Variants in DNAH17 observed in about 807,000 individuals in gnomAD.
The protein encoded by DNAH17 is axonemal beta dynein heavy chain 17.
A neutral mutation model predicts 485.6 loss-of-function variants in DNAH17; 376 were observed. The ratio of observed to expected loss-of-function variants is 0.77; its 90% CI spans 0.71 to 0.84. The LOEUF is 0.84. Among genes scored for constraint, DNAH17 ranks in the 40% least tolerant of loss-of-function variants. DNAH17 has a pLI of 0.00. For missense variants in DNAH17, 6,370 were observed against 5,839.3 expected, an observed-to-expected ratio of 1.09 and a Z score of -2.96; for synonymous variants, 3,031 against 2,405.9, an observed-to-expected ratio of 1.26 and a Z score of -7.60.
chr17:78,444,321 G>A (rs1011241524), intron 71 of DNAH17, among the ~76,000 whole-genome samples: 4 of 152,158 alleles, frequency 2.6e-5, no homozygotes, highest in African/African-American at 9.7e-5. Flanking sequence ...AGGTTAGCGG[G>A]GGACAAGGGG....
At chr17:78,576,495 C>T (rs755883580) in intron 1 of DNAH17, among the ~76,000 whole-genome samples, 18 of 152,140 alleles carry the variant, frequency 1.2e-4, no homozygotes, top group South Asian at 4.1e-4. Context: ...GGAGGAGCAC[C>T]GCGTGGCATT....
At chr17:78,505,110 G>A (rs1314788695) in intron 31 of DNAH17, among the ~76,000 whole-genome samples, 183 bp downstream of exon 31, 1 of 151,932 alleles carries the variant, frequency 6.6e-6, no homozygotes, top group African/African-American at 2.4e-5. Flanking sequence ...AGGCTGGGCT[G>A]GAAATTCTAT....
At chr17:78,530,228 A>G in intron 21 of DNAH17, 115 bp downstream of exon 21, 2 of 1,288,792 alleles carry the variant, frequency 1.6e-6, no homozygotes, top group South Asian at 1.6e-5. Flanking sequence ...CCCAGCCTCC[A>G]CCCCCTGCTA....
At position 78,506,753 on chromosome 17, in the gene DNAH17, CAGG is replaced by C. The variant is rs772781826; in HGVS notation, c.4767_4769del (p.Leu1590del). The C allele has an allele frequency of 3.7e-6, 6 of 1,613,850 alleles. No individual in the cohort carries two copies. Among genetic ancestry groups the C allele is most frequent in the Non-Finnish European group, 5.1e-6 (6 of 1,179,888 alleles). Reference sequence around the variant, plus strand: ...GGTCATTGCCATTGGAGAGAATGTCCAGGAGGTCAGCCGAGGAGACAAAATAGA... The same window carrying C: ...GGTCATTGCCATTGGAGAGAATGTCCAGGTCAGCCGAGGAGACAAAATAGA... On this transcript the variant is annotated inframe_deletion, in exon 30 of 81. Transcript: ENST00000389840.
In DNAH17 at chr17:78,501,801, T is replaced by C; in HGVS notation, c.5263A>G (p.Thr1755Ala). 6.2e-7 allele frequency: 1 copy of C among 1,613,954 alleles called. No homozygotes were observed. Among genetic ancestry groups the C allele is most frequent in the Non-Finnish European group, 8.5e-7 (1 of 1,179,892 alleles). ...GCGTGCACATCGATGGTGCAGATGG[T>C]CATGATCTTCATCCTGTCGCCAGCG... ...LNAGDRMKIM[T>A]ICTIDVHARD... Residue 1755 changes from threonine (T) to alanine (A), a missense_variant, in exon 34 of 81, where the codon ACC becomes GCC. Physicochemically the swap from Thr to Ala is moderately conservative, Grantham distance 58. Transcript: ENST00000389840.
intron 48 of DNAH17, among the ~76,000 whole-genome samples, chr17:78,483,828 G>A (rs111850165): frequency 0.017 from 2,599 of 151,994 alleles, 68 homozygotes; most frequent in African/African-American, 0.058. Context: ...TGGGCACGGT[G>A]GCTCACACCT....
intron 56 of DNAH17, among the ~76,000 whole-genome samples, chr17:78,465,983 TGGAGAGGC>T (rs2088429912): frequency 6.6e-6 from 1 of 151,330 alleles, no homozygotes; most frequent in African/African-American, 2.4e-5. Context: ...CTTTGTGGAA[TGGAGAGGC>T]GGGAGGGGTG....
chr17:78,542,671 G>C (rs770045571), intron 17 of DNAH17, among the ~76,000 whole-genome samples: 1 of 152,208 alleles, frequency 6.6e-6, no homozygotes, highest in Non-Finnish European at 1.5e-5. Context: ...AACCATGGGG[G>C]CTCCCAGGAG....
At chr17:78,567,566 T>A (rs955377679) in intron 9 of DNAH17, among the ~76,000 whole-genome samples, 4 of 152,132 alleles carry the variant, frequency 2.6e-5, no homozygotes, top group African/African-American at 4.8e-5. Flanking sequence ...TTGCTAAGCT[T>A]TAAATTCCCC....
intron 14 of DNAH17, among the ~76,000 whole-genome samples, chr17:78,557,320 A>G (rs1034792962): frequency 6.6e-6 from 1 of 152,206 alleles, no homozygotes; most frequent in Admixed American, 6.5e-5. Context: ...ATAGATCTAT[A>G]AAGAATCATG....
intron 25 of DNAH17, among the ~76,000 whole-genome samples, chr17:78,515,504 A>G (rs693123): frequency 1.4e-5 from 2 of 141,662 alleles, no homozygotes; most frequent in Non-Finnish European, 3.1e-5. Context: ...GTGAGACTCC[A>G]TCTCAAAAAA....
In DNAH17 at chr17:78,572,883, A is replaced by G. The variant is rs780254110; in HGVS notation, c.357T>C (p.Ser119=). ...CCATGTTCTCACTTTGGTTTAACAG[A>G]GAAGAGAGGACCTAAAAGGAAACAC... The part of the protein sequence containing the change: ...LIAVVEEVLS[S]LLNQSENMAG... The change falls in exon 3 of 81, where the codon TCT becomes TCC. Residue 119 remains serine, a synonymous_variant. Coordinates refer to ENST00000389840, the MANE Select transcript of DNAH17 (RefSeq NM_173628.4). 54 of 1,613,522 alleles carry G rather than the reference A, an allele frequency of 3.3e-5. No homozygotes were observed. The South Asian group carries it at 5.6e-4, about 17-fold the overall frequency.
intron 28 of DNAH17, 43 bp downstream of exon 28, chr17:78,507,415 C>A (rs755558948): frequency 6.2e-7 from 1 of 1,613,900 alleles, no homozygotes. Context: ...TCGCCACACA[C>A]AGTCATTTCT....
chr17:78,499,388 C>T, intron 36 of DNAH17: 1 of 302,836 alleles, frequency 3.3e-6, no homozygotes. Flanking sequence ...GGGGCTCAGA[C>T]AAGCACATTT....
chr17:78,548,274 G>A (rs931706390), intron 16 of DNAH17, among the ~76,000 whole-genome samples: 3 of 130,922 alleles, frequency 2.3e-5, no homozygotes, highest in Admixed American at 8.8e-5. Flanking sequence ...GCACGATCTC[G>A]GCTCACTGCA....
intron 25 of DNAH17, among the ~76,000 whole-genome samples, chr17:78,520,099 G>A (rs1275645561): frequency 7.5e-6 from 1 of 134,146 alleles, no homozygotes; most frequent in Non-Finnish European, 1.6e-5. Flanking sequence ...GCGATAGAAC[G>A]AAACTCTGTT....
In DNAH17 at chr17:78,437,650, C is replaced by G; in HGVS notation, c.12024G>C (p.Leu4008=). The G allele has an allele frequency of 6.2e-7, 1 of 1,606,096 alleles. No homozygotes were observed. Among genetic ancestry groups the G allele is most frequent in the Non-Finnish European group, 8.5e-7 (1 of 1,175,874 alleles). ...GCAGGCGTGGCCCTACCTGGGTGAA[C>G]AGGTCCAGGGCCTTGTGCAAGTTGG... ...MHANLHKALD[L]FTQDTLEMCT... The change falls in exon 74 of 81, where the codon CTG becomes CTC. Residue 4008 remains leucine, a synonymous_variant. Transcript: ENST00000389840.
chr17:78,476,510 C>T (rs375868586), intron 52 of DNAH17, 62 bp downstream of exon 52: 13 of 1,533,058 alleles, frequency 8.5e-6, no homozygotes, highest in African/African-American at 5.5e-5. Flanking sequence ...CATTGGCCGC[C>T]GACACTCCAC....
intron 31 of DNAH17, 65 bp from the exon 32 acceptor site, chr17:78,503,076 GT>G: frequency 6.9e-7 from 1 of 1,457,480 alleles, no homozygotes; most frequent in Non-Finnish European, 9.1e-7. Flanking sequence ...CAATAATTTT[GT>G]TTGTATTTGT....
Sources: gnomAD v4.1 joint callset for allele counts (sites outside exome capture counted in the v4.1 genomes callset) on GRCh38, gnomAD v4.1.1 for gene constraint, MANE v1.5 for transcripts, NCBI Gene and HGNC (gene_info 2026-07-23, HGNC 2026-07-21) for gene names.